SLC25A20: variants seen among roughly 807,000 people sequenced by gnomAD.
SLC25A20 encodes the protein solute carrier family 25 member 20, also known as mitochondrial carnitine/acylcarnitine carrier protein.
A neutral mutation model predicts 39.7 loss-of-function variants in SLC25A20; 29 were observed. The observed-to-expected ratio is 0.73, with a 90% CI of 0.54 to 1.00. The LOEUF is 1.00. SLC25A20 is among the 50% of genes least tolerant of loss of function. The pLI is 0.00. For synonymous variants in SLC25A20, 103 were observed against 142.2 expected, an observed-to-expected ratio of 0.72 and a Z score of 1.96; for missense variants, 333 against 379.9, an observed-to-expected ratio of 0.88 and a Z score of 1.03.
rs2083656913 is a variant in SLC25A20 at position 48,865,132 on chromosome 3, T to TC, written c.418-2474_418-2473insG. 4.8e-5 allele frequency among the ~76,000 whole-genome samples: 4 copies of TC among 82,786 alleles called. No homozygotes were observed. The Admixed American group carries it at 6.3e-4, about 13-fold the overall frequency. The allele number at this position is 82,786 out of a possible 152,430, so 54.3% of individuals were successfully genotyped here. A position where few individuals can be genotyped will look rare whatever the true frequency, so the allele number is the denominator to read the frequency against. ...TCAGGAAAAGTCTGAGTTGGAGATATAATTTTTTTTTTTTGAGACGGAGTC... is the reference window on the plus strand; with the variant it reads ...TCAGGAAAAGTCTGAGTTGGAGATATCAATTTTTTTTTTTTGAGACGGAGTC... On this transcript the variant is annotated intron_variant, in intron 4 of 8. Coordinates refer to ENST00000319017, the MANE Select transcript of SLC25A20 (RefSeq NM_000387.6).
chr3:48,881,587 G>C (rs955155826), intron 3 of SLC25A20, among the ~76,000 whole-genome samples: 3 of 152,152 alleles, frequency 2.0e-5, no homozygotes, highest in Non-Finnish European at 4.4e-5. Context: ...ACCATTCCAG[G>C]GAGGTGAACA....
intron 2 of SLC25A20, among the ~76,000 whole-genome samples, chr3:48,889,803 T>G (rs1575991857): frequency 6.6e-6 from 1 of 152,228 alleles, no homozygotes; most frequent in South Asian, 2.1e-4. Flanking sequence ...AGTATAAACA[T>G]TATTAATCAT....
chr3:48,878,369 T>A (rs1271941848), intron 4 of SLC25A20, among the ~76,000 whole-genome samples: 2 of 151,554 alleles, frequency 1.3e-5, no homozygotes, highest in Admixed American at 1.3e-4. Context: ...GGTCTCACTC[T>A]GTCACCCAGA....
chr3:48,875,062 A>AG (rs1380539526), intron 4 of SLC25A20, among the ~76,000 whole-genome samples: 1 of 84,152 alleles, frequency 1.2e-5, no homozygotes, highest in Non-Finnish European at 2.4e-5. Context: ...ACTCTGTCTC[A>AG]GAAAAAAAAA....
chr3:48,857,700 G>C lies in SLC25A20; in HGVS notation c.*10C>G, dbSNP rs536363178. ...CAGCATCCAGAAGTGAACTTGAGCA[G>C]CCTTCAGCCTCACAAGTTGGGGGTG... On this transcript the variant is annotated 3_prime_UTR_variant, in exon 9 of 9. Coordinates refer to ENST00000319017, the MANE Select transcript of SLC25A20 (RefSeq NM_000387.6). 3.8e-5 allele frequency: 62 copies of C among 1,613,436 alleles called. No individual in the cohort carries two copies. In the East Asian group the frequency reaches 1.1e-3, roughly 28 times the overall value.
chr3:48,859,293 C>G, intron 6 of SLC25A20, 92 bp from the exon 7 acceptor site: 5 of 1,189,174 alleles, frequency 4.2e-6, no homozygotes, highest in Non-Finnish European at 5.0e-6. Context: ...CAGTTACAGA[C>G]AGGCAGAAAC....
At chr3:48,892,230 T>A (rs1168035141) in intron 1 of SLC25A20, among the ~76,000 whole-genome samples, 158 bp from the exon 2 acceptor site, 1 of 152,228 alleles carries the variant, frequency 6.6e-6, no homozygotes, top group Non-Finnish European at 1.5e-5. Context: ...CTCTTTCATT[T>A]CATTAGTACT....
At chr3:48,864,600 C>CATATGT (rs1553685027) in intron 4 of SLC25A20, among the ~76,000 whole-genome samples, 1 of 149,862 alleles carries the variant, frequency 6.7e-6, no homozygotes, top group East Asian at 1.9e-4. Context: ...AGTATCCAGA[C>CATATGT]ATATGTACCT....
At chr3:48,860,171 G>A (rs561522604) in intron 5 of SLC25A20, among the ~76,000 whole-genome samples, 3 of 151,594 alleles carry the variant, frequency 2.0e-5, no homozygotes, top group African/African-American at 4.8e-5. Flanking sequence ...CGTGGTGGCG[G>A]GCACCTGTAA....
chr3:48,859,776 A>AAAT (rs1220461482), intron 5 of SLC25A20, 149 bp from the exon 6 acceptor site: 6 of 672,626 alleles, frequency 8.9e-6, no homozygotes, highest in Admixed American at 2.4e-5. Context: ...ATTATTAGTA[A>AAAT]AATTGTTTTT....
chr3:48,897,784 A>T (rs1321338862), intron 1 of SLC25A20, among the ~76,000 whole-genome samples: 1 of 152,046 alleles, frequency 6.6e-6, no homozygotes, highest in African/African-American at 2.4e-5. Flanking sequence ...CAATCTTTTA[A>T]AACTCATGTC....
intron 5 of SLC25A20, among the ~76,000 whole-genome samples, chr3:48,861,541 AC>A (rs1298735754): frequency 2.6e-5 from 4 of 152,148 alleles, no homozygotes; most frequent in African/African-American, 9.7e-5. Flanking sequence ...AGCCTGGCCA[AC>A]ATAGTGAAAC....
At chr3:48,875,229 A>T (rs2083746812) in intron 4 of SLC25A20, among the ~76,000 whole-genome samples, 1 of 151,292 alleles carries the variant, frequency 6.6e-6, no homozygotes, top group African/African-American at 2.4e-5. Context: ...CAGGCTCCCA[A>T]GTAGCTGGGA....
intron 8 of SLC25A20, 85 bp from the exon 9 acceptor site, chr3:48,857,857 T>A: frequency 4.7e-6 from 6 of 1,265,624 alleles, no homozygotes; most frequent in African/African-American, 1.5e-5. Context: ...GCTGGCCCTG[T>A]CAGGACCAGA....
Position 48,869,243 on chromosome 3 carries a change from A to G in SLC25A20, c.418-6584T>C, listed in dbSNP as rs139119997. Among the ~76,000 whole-genome samples the G allele has an allele frequency of 9.8e-5, 15 of 152,360 alleles. No homozygotes were observed. The East Asian group carries it at 2.9e-3, about 29-fold the overall frequency. On this transcript the variant is annotated intron_variant, in intron 4 of 8. Transcript: ENST00000319017. ...AGACCTCAAACTGAAAGAAAAAAAG[A>G]CTAGCAATATTTGCCAACACCAAGA...
intron 4 of SLC25A20, among the ~76,000 whole-genome samples, chr3:48,866,119 C>T (rs898071023): frequency 2.0e-5 from 3 of 148,528 alleles, no homozygotes; most frequent in Admixed American, 1.3e-4. Context: ...GGCGACAGAG[C>T]GAGACTCTGT....
At chr3:48,897,073 C>T (rs2083914718) in intron 1 of SLC25A20, among the ~76,000 whole-genome samples, 2 of 127,500 alleles carry the variant, frequency 1.6e-5, no homozygotes, top group African/African-American at 5.7e-5. Context: ...TTTTCTTCTT[C>T]TCCTTTTTTT....
chr3:48,897,003 G>C (rs1050229816), intron 1 of SLC25A20, among the ~76,000 whole-genome samples: 1 of 151,080 alleles, frequency 6.6e-6, no homozygotes, highest in African/African-American at 2.4e-5. Context: ...AAGCGCTGCA[G>C]CTTTTGCCTT....
intron 2 of SLC25A20, among the ~76,000 whole-genome samples, chr3:48,885,238 T>G (rs1045256197): frequency 4.6e-5 from 7 of 151,930 alleles, no homozygotes; most frequent in Non-Finnish European, 1.0e-4. Flanking sequence ...GCCACTGTAC[T>G]CTACCCTGGG....
Sources: allele counts gnomAD v4.1 joint callset (sites outside exome capture counted in the v4.1 genomes callset), GRCh38; gene constraint gnomAD v4.1.1; transcripts MANE v1.5; gene names NCBI Gene and HGNC (gene_info 2026-07-23, HGNC 2026-07-21).